The following ZNF469 variants were observed in gnomAD, a reference collection of about 807,000 sequenced individuals.
ZNF469 encodes the protein zinc finger protein 469.
In ZNF469, 1 loss-of-function variant was observed where a neutral mutation model predicts 1.0. The ratio of observed to expected loss-of-function variants is 1.00; its 90% confidence interval spans 0.35 to 4.73. The LOEUF is 4.73. Ranked by LOEUF, ZNF469 falls within the 30% of genes most tolerant of loss-of-function variation. The pLI, the probability that ZNF469 is intolerant of heterozygous loss-of-function variation, is 0.16. For missense variants in ZNF469, 6,100 were observed against 5,356.3 expected, an observed-to-expected ratio of 1.14 and a Z score of -4.33; for synonymous variants, 2,703 against 2,363.4, an observed-to-expected ratio of 1.14 and a Z score of -4.17.
chr16:88,341,034 C>T, the ZNF469 span, among the ~76,000 whole-genome samples: 1 of 152,190 alleles, frequency 6.6e-6, no homozygotes, highest in African/African-American at 2.4e-5. Context: ...CTGGCCCCCT[C>T]CTGAGCCACC....
At chr16:88,182,500 C>T in the ZNF469 span, among the ~76,000 whole-genome samples, 4 of 151,808 alleles carry the variant, frequency 2.6e-5, no homozygotes, top group Non-Finnish European at 5.9e-5. Flanking sequence ...ACAATAATGC[C>T]ACTGTAATCA....
chr16:88,319,262 G>A, the ZNF469 span, among the ~76,000 whole-genome samples: 7 of 152,214 alleles, frequency 4.6e-5, no homozygotes, highest in East Asian at 1.4e-3. Flanking sequence ...CCGAGACCTG[G>A]ACACCTGCCT....
At chr16:88,223,425 G>T in the ZNF469 span, among the ~76,000 whole-genome samples, 1 of 152,112 alleles carries the variant, frequency 6.6e-6, no homozygotes, top group Non-Finnish European at 1.5e-5. Flanking sequence ...CCCAGTCTTG[G>T]GTATGTCTTA....
the ZNF469 span, among the ~76,000 whole-genome samples, chr16:88,137,977 C>T: frequency 0.014 from 2,088 of 152,250 alleles, 62 homozygotes; most frequent in African/African-American, 0.048. Context: ...AAAGCAACAA[C>T]AGAGCCTGGA....
chr16:88,216,822 T>A, the ZNF469 span, among the ~76,000 whole-genome samples: 2 of 152,156 alleles, frequency 1.3e-5, no homozygotes, highest in Admixed American at 1.3e-4. Flanking sequence ...TTCTATATTT[T>A]TTATTATTTT....
the ZNF469 span, among the ~76,000 whole-genome samples, chr16:88,332,124 C>A: frequency 3.3e-5 from 5 of 152,204 alleles, no homozygotes; most frequent in Non-Finnish European, 7.3e-5. Flanking sequence ...CTCTCTCCAC[C>A]CCCTCCTTGG....
At chr16:88,112,043 G>A in the ZNF469 span, among the ~76,000 whole-genome samples, 1 of 152,168 alleles carries the variant, frequency 6.6e-6, no homozygotes, top group Non-Finnish European at 1.5e-5. Flanking sequence ...TGGCTGAATA[G>A]TACTACGTTG....
chr16:88,283,651 G>A, the ZNF469 span, among the ~76,000 whole-genome samples: 76 of 152,320 alleles, frequency 5.0e-4, no homozygotes, highest in Non-Finnish European at 8.7e-4. Context: ...TTTGGATATC[G>A]TTCATGATTC....
the ZNF469 span, among the ~76,000 whole-genome samples, chr16:88,116,801 G>T: frequency 2.2e-4 from 33 of 152,306 alleles, no homozygotes; most frequent in East Asian, 6.4e-3. Context: ...TTGGTGGTTT[G>T]CCAGGGCTGG....
chr16:88,359,586 T>A, the ZNF469 span, among the ~76,000 whole-genome samples: 1 of 152,258 alleles, frequency 6.6e-6, no homozygotes, highest in Non-Finnish European at 1.5e-5. Context: ...TTGTGAAGTG[T>A]CTGCTCGAGT....
At chr16:88,413,408 G>T (rs889520928) in intron 1 of ZNF469, among the ~76,000 whole-genome samples, 2 of 152,122 alleles carry the variant, frequency 1.3e-5, no homozygotes, top group African/African-American at 4.8e-5. Context: ...GACAGCAAAG[G>T]AGAGGCCCAG....
At chr16:88,158,049 C>T in the ZNF469 span, among the ~76,000 whole-genome samples, 7 of 151,988 alleles carry the variant, frequency 4.6e-5, no homozygotes, top group South Asian at 2.1e-4. Flanking sequence ...GGGGATGCTC[C>T]GGGGGTCTGC....
the ZNF469 span, among the ~76,000 whole-genome samples, chr16:88,193,331 C>G: frequency 7.9e-6 from 1 of 126,426 alleles, no homozygotes; most frequent in African/African-American, 3.0e-5. Context: ...ATGGTGGTGA[C>G]GGTGGTGATG....
the ZNF469 span, among the ~76,000 whole-genome samples, chr16:88,176,367 A>C: frequency 2.7e-5 from 4 of 149,770 alleles, no homozygotes; most frequent in Admixed American, 2.7e-4. Flanking sequence ...TGCAGAGAAC[A>C]TGATGGATTG....
the ZNF469 span, among the ~76,000 whole-genome samples, chr16:88,120,229 G>A: frequency 6.6e-6 from 1 of 152,174 alleles, no homozygotes; most frequent in Non-Finnish European, 1.5e-5. Flanking sequence ...GGCAGCCCTG[G>A]GCCCAGGGGA....
the ZNF469 span, among the ~76,000 whole-genome samples, chr16:88,264,639 G>A: frequency 1.3e-4 from 10 of 78,038 alleles, no homozygotes; most frequent in East Asian, 2.1e-3. Flanking sequence ...CAGCACCACC[G>A]CCTGACCCCT....
At chr16:88,259,919 T>C in the ZNF469 span, among the ~76,000 whole-genome samples, 1 of 152,108 alleles carries the variant, frequency 6.6e-6, no homozygotes, top group Non-Finnish European at 1.5e-5. This position sits in a 1 kb window ranked among gnomAD's most constrained non-coding sequence, Gnocchi z 4.1. Flanking sequence ...TTACATATTT[T>C]TTCTGTACAT....
At chr16:88,329,507 G>A in the ZNF469 span, among the ~76,000 whole-genome samples, 1 of 152,226 alleles carries the variant, frequency 6.6e-6, no homozygotes, top group South Asian at 2.1e-4. Context: ...AGTCAGAAGG[G>A]TGAGGATGAA....
the ZNF469 span, among the ~76,000 whole-genome samples, chr16:88,129,433 C>CT: frequency 2.4e-4 from 23 of 96,594 alleles, no homozygotes; most frequent in Admixed American, 4.2e-4. Flanking sequence ...TTGCACATAC[C>CT]GTTTTTTTTG....
Sources: allele counts gnomAD v4.1 joint callset (sites outside exome capture counted in the v4.1 genomes callset), GRCh38; gene constraint gnomAD v4.1.1; non-coding constraint Gnocchi (gnomAD v3.1); transcripts MANE v1.5; gene names NCBI Gene and HGNC (gene_info 2026-07-23, HGNC 2026-07-21).